The following TTLL7 variants were observed in gnomAD, a reference collection of about 807,000 sequenced individuals.
TTLL7 encodes tubulin polyglutamylase TTLL7.
A neutral mutation model predicts 120.2 loss-of-function variants in TTLL7; 53 were observed. The observed-to-expected ratio is 0.44, with a 90% CI of 0.35 to 0.55. The LOEUF is 0.55. TTLL7 is among the 20% of genes least tolerant of loss of function. TTLL7 has a pLI of 0.00. For synonymous variants in TTLL7, 353 were observed against 351.7 expected, an observed-to-expected ratio of 1.00 and a Z score of -0.04; for missense variants, 803 against 1,054.7, an observed-to-expected ratio of 0.76 and a Z score of 3.31.
chr1:83,892,934 G>GAAAGAAAAGA (rs1481985493), intron 18 of TTLL7, among the ~76,000 whole-genome samples: 2 of 113,448 alleles, frequency 1.8e-5, no homozygotes, highest in Middle Eastern at 4.3e-3. Context: ...AAAAGAGAAA[G>GAAAGAAAAGA]AAAGAAAGAA....
At chr1:83,990,552 T>C (rs1391774915) in intron 1 of TTLL7, among the ~76,000 whole-genome samples, 3 of 152,232 alleles carry the variant, frequency 2.0e-5, no homozygotes, top group East Asian at 3.8e-4. Context: ...AATGGGCTAA[T>C]GCCTTGAATA....
At chr1:83,958,956 A>G (rs1010440132) in intron 1 of TTLL7, among the ~76,000 whole-genome samples, 1 of 152,158 alleles carries the variant, frequency 6.6e-6, no homozygotes, top group African/African-American at 2.4e-5. Flanking sequence ...GATGACCACA[A>G]TGTTTATCAT....
intron 16 of TTLL7, 46 bp from the exon 17 acceptor site, chr1:83,906,509 T>C (rs757195916): frequency 6.8e-6 from 11 of 1,608,888 alleles, no homozygotes; most frequent in East Asian, 2.2e-5. Flanking sequence ...TCTTATTTCA[T>C]TGTGCCAGTA....
intron 1 of TTLL7, among the ~76,000 whole-genome samples, chr1:83,956,427 CTTTT>C (rs35592317): frequency 2.2e-5 from 3 of 136,052 alleles, no homozygotes; most frequent in Non-Finnish European, 3.2e-5. Flanking sequence ...ACCTAGCCCA[CTTTT>C]TTTTTTTTTT....
chr1:83,897,000 T>C (rs1656280180), intron 18 of TTLL7, among the ~76,000 whole-genome samples: 1 of 152,126 alleles, frequency 6.6e-6, no homozygotes. Context: ...AGATTAACTA[T>C]TTCCATTTTC....
At chr1:83,876,962 A>G (rs148102112) in intron 20 of TTLL7, among the ~76,000 whole-genome samples, 5 of 152,106 alleles carry the variant, frequency 3.3e-5, no homozygotes, top group Admixed American at 6.6e-5. Context: ...GATCACAGAC[A>G]GTCTTGTTAC....
chr1:83,976,164 T>C (rs926819386), intron 1 of TTLL7, among the ~76,000 whole-genome samples: 4 of 151,796 alleles, frequency 2.6e-5, no homozygotes, highest in Non-Finnish European at 4.4e-5. Context: ...GAACTAGAGA[T>C]TAAAATCACA....
chr1:83,948,559 G>A lies in TTLL7; in HGVS notation c.347+69C>T, dbSNP rs1345448333. 1.4e-5 allele frequency: 14 copies of A among 998,192 alleles called. No individual in the cohort carries two copies. In the African/African-American group the frequency reaches 2.1e-4, roughly 15 times the overall value. The allele number at this position is 998,192 out of a possible 1,614,324, so 61.8% of individuals were successfully genotyped here. A position where few individuals can be genotyped will look rare whatever the true frequency, so the allele number is the denominator to read the frequency against. On this transcript the variant is annotated intron_variant, in intron 5 of 20. Transcript: ENST00000260505. ...TTCAAATCAATGTAACCTTGTGAAA[G>A]ATAGCACTACAGTAGTTATGGTATA...
intron 20 of TTLL7, among the ~76,000 whole-genome samples, chr1:83,870,877 C>A (rs1031370362): frequency 6.6e-6 from 1 of 151,198 alleles, no homozygotes; most frequent in Non-Finnish European, 1.5e-5. Context: ...CCATTGCACT[C>A]CAGCCTGGGG....
intron 3 of TTLL7, 74 bp downstream of exon 3, chr1:83,951,771 T>C (rs1649078537): frequency 6.7e-7 from 1 of 1,483,804 alleles, no homozygotes; most frequent in Admixed American, 2.3e-5. Flanking sequence ...TTTGGATTTC[T>C]ACATTGTTTT....
Position 83,911,207 on chromosome 1 carries a change from T to G in TTLL7, c.1744A>C (p.Asn582His), listed in dbSNP as rs1198492744. 6 of 1,613,136 alleles carry G rather than the reference T, an allele frequency of 3.7e-6. No homozygotes were observed. The highest frequency in any genetic ancestry group is 5.1e-6 in the Non-Finnish European group (6 of 1,179,362). The change falls in exon 15 of 21, where the codon AAT becomes CAT. Residue 582 changes from asparagine to histidine, a missense_variant. Coordinates refer to ENST00000260505, the MANE Select transcript of TTLL7 (RefSeq NM_024686.6). ...TTGTAGTGGTTGGAGGGTTTAAGAT[T>G]ATATGTAACTTGCTTTTCTCTTTTC... ...NKKREKQVTY[N>H]LKPSNHYKLI...
At chr1:83,910,414 T>G (rs1227124419) in intron 15 of TTLL7, among the ~76,000 whole-genome samples, 2 of 151,108 alleles carry the variant, frequency 1.3e-5, no homozygotes, top group South Asian at 2.1e-4. Context: ...CAGGAAGGGG[T>G]TTTCCAACTG....
chr1:83,903,308 A>G (rs113220073), intron 18 of TTLL7, among the ~76,000 whole-genome samples: 4,435 of 152,064 alleles, frequency 0.029, 123 homozygotes, highest in African/African-American at 0.071. Flanking sequence ...CTACCTCAGC[A>G]TCTCTGTATT....
At chr1:83,899,609 G>A (rs1160807368) in intron 18 of TTLL7, among the ~76,000 whole-genome samples, 1 of 151,942 alleles carries the variant, frequency 6.6e-6, no homozygotes, top group Non-Finnish European at 1.5e-5. Context: ...GACAGTAAAC[G>A]TTTGGGTAGT....
At chr1:83,945,071 G>A (rs1294778170) in intron 6 of TTLL7, among the ~76,000 whole-genome samples, 1 of 152,052 alleles carries the variant, frequency 6.6e-6, no homozygotes, top group Non-Finnish European at 1.5e-5. Context: ...CACAAAAGAG[G>A]ACAATATAGA....
chr1:83,907,672 TGGA>T lies in TTLL7; in HGVS notation c.1787-14_1787-12del. On this transcript the variant is annotated splice_polypyrimidine_tract_variant and intron_variant, in intron 15 of 20. Transcript: ENST00000260505. ...AACGTCTTATGGAGCCTATCAGTGA[TGGA>T]GAAGAGGGATACTACAGTAGCAGTA... 2 of 1,610,512 alleles carry T rather than the reference TGGA, an allele frequency of 1.2e-6. No individual in the cohort carries two copies. The highest frequency in any genetic ancestry group is 1.7e-6 in the Non-Finnish European group (2 of 1,177,972).
At chr1:83,978,624 T>C (rs1253882559) in intron 1 of TTLL7, among the ~76,000 whole-genome samples, 4 of 152,220 alleles carry the variant, frequency 2.6e-5, no homozygotes, top group Non-Finnish European at 4.4e-5. Context: ...TCTTTGTAAC[T>C]GATTTTTATA....
rs905906313 is a variant in TTLL7, at chr1:83,956,859, G to C, written c.-176-4472C>G. 6.4e-4 allele frequency among the ~76,000 whole-genome samples: 97 copies of C among 152,242 alleles called. 1 individual carries two copies. Among genetic ancestry groups the C allele is most frequent in the African/African-American group, 1.9e-3 (79 of 41,548 alleles). ...GCAGTTGTGGCCTGCTATGGCTAGG[G>C]GTGGGGCTAAGGGAGACTTACTTGT... On this transcript the variant is annotated intron_variant, in intron 1 of 20. Coordinates refer to ENST00000260505, the MANE Select transcript of TTLL7 (RefSeq NM_024686.6).
chr1:83,986,477 G>A (rs1000182287), intron 1 of TTLL7, among the ~76,000 whole-genome samples: 1 of 152,084 alleles, frequency 6.6e-6, no homozygotes, highest in African/African-American at 2.4e-5. Flanking sequence ...TCTTGACCCC[G>A]TAAAGAGCAG....
Sources: gnomAD v4.1 joint callset for allele counts (sites outside exome capture counted in the v4.1 genomes callset) on GRCh38, gnomAD v4.1.1 for gene constraint, MANE v1.5 for transcripts, NCBI Gene and HGNC (gene_info 2026-07-23, HGNC 2026-07-21) for gene names.